DIPK1A: variants seen among roughly 807,000 people sequenced by gnomAD.
DIPK1A encodes the protein divergent protein kinase domain 1A.
DIPK1A carries 27 observed loss-of-function variants against 40.8 expected under a neutral mutation model. The observed-to-expected ratio is 0.66, with a 90% CI of 0.49 to 0.91. DIPK1A has a LOEUF of 0.91. Among genes scored for constraint, DIPK1A ranks in the 40% least tolerant of loss-of-function variants. The pLI, the probability that DIPK1A is intolerant of heterozygous loss-of-function variation, is 0.00. For missense variants in DIPK1A, 412 were observed against 505.7 expected, an observed-to-expected ratio of 0.81 and a Z score of 1.78; for synonymous variants, 166 against 171.3, an observed-to-expected ratio of 0.97 and a Z score of 0.24.
intron 1 of DIPK1A, among the ~76,000 whole-genome samples, chr1:92,946,203 G>T (rs191238330): frequency 1.1e-4 from 17 of 152,210 alleles, no homozygotes; most frequent in East Asian, 9.6e-4. Flanking sequence ...CAGACAATGG[G>T]TTTCAGGTTT....
At chr1:92,941,803 C>T (rs1571144430) in intron 1 of DIPK1A, among the ~76,000 whole-genome samples, 1 of 152,142 alleles carries the variant, frequency 6.6e-6, no homozygotes, top group South Asian at 2.1e-4. Flanking sequence ...TAACTATCCA[C>T]ACTCTATACT....
intron 1 of DIPK1A, among the ~76,000 whole-genome samples, chr1:92,936,498 G>A (rs1192118156): frequency 2.0e-5 from 3 of 151,896 alleles, no homozygotes; most frequent in African/African-American, 4.8e-5. Flanking sequence ...GCATGGTGGT[G>A]CATGCCTATA....
chr1:92,896,264 G>T (rs563274137), intron 1 of DIPK1A, among the ~76,000 whole-genome samples: 177 of 152,224 alleles, frequency 1.2e-3, no homozygotes, highest in Non-Finnish European at 2.3e-3. Flanking sequence ...ATACTACAAG[G>T]CTACAGTAAC....
At chr1:92,909,803 T>G (rs994219318) in intron 1 of DIPK1A, among the ~76,000 whole-genome samples, 8 of 152,222 alleles carry the variant, frequency 5.3e-5, no homozygotes, top group Non-Finnish European at 5.9e-5. Flanking sequence ...GTAACTTGAC[T>G]ACCAGGGTGT....
At chr1:92,960,936 G>A (rs1403879133) in intron 1 of DIPK1A, among the ~76,000 whole-genome samples, 1 of 152,240 alleles carries the variant, frequency 6.6e-6, no homozygotes, top group African/African-American at 2.4e-5. Context: ...TAAGACCCAA[G>A]ACACTGAGTC....
chr1:92,872,706 C>G (rs1183843526), intron 2 of DIPK1A, among the ~76,000 whole-genome samples: 1 of 152,154 alleles, frequency 6.6e-6, no homozygotes, highest in Non-Finnish European at 1.5e-5. Context: ...GAAGTTGAGA[C>G]TTGGTTGTAG....
In DIPK1A at chr1:92,835,978, CAA is replaced by C. The variant is rs575703950; in HGVS notation, c.475-2946_475-2945del. Among the ~76,000 whole-genome samples, 514 of 151,590 alleles carry C rather than the reference CAA, an allele frequency of 3.4e-3. 3 individuals carry two copies. The highest frequency in any genetic ancestry group is 0.012 in the African/African-American group (482 of 41,340). ...TAGCAAAGATGCAAAAGTCATAAAA[CAA>C]AATTGTTTCAAGTGAAATTGAATGT... On this transcript the variant is annotated intron_variant, in intron 4 of 4. Coordinates refer to the DIPK1A transcript ENST00000615519.
At chr1:92,935,977 G>A (rs1223238934) in intron 1 of DIPK1A, among the ~76,000 whole-genome samples, 1 of 152,082 alleles carries the variant, frequency 6.6e-6, no homozygotes, top group African/African-American at 2.4e-5. Context: ...AGCTACTCAG[G>A]TGTCTGAGGT....
intron 1 of DIPK1A, among the ~76,000 whole-genome samples, chr1:92,936,377 C>CA (rs563516307): frequency 1.2e-3 from 176 of 152,162 alleles, no homozygotes; most frequent in African/African-American, 3.4e-3. Context: ...CCTGTAATCC[C>CA]AACACTTTGG....
chr1:92,841,700 T>C (rs922814753), downstream of DIPK1A: 1 of 1,015,500 alleles, frequency 9.8e-7, no homozygotes, highest in Non-Finnish European at 1.4e-6. Context: ...TTTATTAAAA[T>C]TTTAAATTAA....
At chr1:92,833,934 T>C in intron 4 of DIPK1A, 1 of 419,256 alleles carries the variant, frequency 2.4e-6, no homozygotes, top group Non-Finnish European at 4.4e-6. Context: ...AGTGAGAGTT[T>C]GTCTTCACAA....
downstream of DIPK1A, chr1:92,837,527 T>C (rs773325598): frequency 1.6e-5 from 26 of 1,612,162 alleles, no homozygotes; most frequent in African/African-American, 2.7e-5. Flanking sequence ...AAGCACATCA[T>C]GGGCCAGAAT....
At chr1:92,869,164 T>TTAC (rs1456142672) in intron 2 of DIPK1A, among the ~76,000 whole-genome samples, 1 of 150,538 alleles carries the variant, frequency 6.6e-6, no homozygotes, top group Non-Finnish European at 1.5e-5. Context: ...ATTATTATTA[T>TTAC]TATTATTATT....
Position 92,843,140 on chromosome 1 carries a change from A to G in DIPK1A, c.*243T>C, listed in dbSNP as rs1294845741. On this transcript the variant is annotated 3_prime_UTR_variant, in exon 5 of 5. Coordinates refer to ENST00000370310, the MANE Select transcript of DIPK1A (RefSeq NM_001006605.5). ...ATTGGTTTTTAAAGTCAGTCAAAAT[A>G]GTTACACAATGAATGTACTTCGGAG... 2 of 1,204,102 alleles carry G rather than the reference A, an allele frequency of 1.7e-6. No individual in the cohort carries two copies. The highest frequency in any genetic ancestry group is 2.1e-6 in the Non-Finnish European group (2 of 965,046). The allele number at this position is 1,204,102 out of a possible 1,614,324, so 74.6% of individuals were successfully genotyped here.
intron 2 of DIPK1A, among the ~76,000 whole-genome samples, chr1:92,852,301 C>T (rs997727008): frequency 2.0e-5 from 3 of 152,104 alleles, no homozygotes; most frequent in East Asian, 3.9e-4. Context: ...GAGTTCGAGA[C>T]GAGCCTGACA....
intron 1 of DIPK1A, among the ~76,000 whole-genome samples, chr1:92,941,803 C>A (rs1571144430): frequency 6.6e-6 from 1 of 152,142 alleles, no homozygotes; most frequent in Non-Finnish European, 1.5e-5. Context: ...TAACTATCCA[C>A]ACTCTATACT....
intron 1 of DIPK1A, among the ~76,000 whole-genome samples, chr1:92,898,157 T>G (rs1649262318): frequency 6.6e-6 from 1 of 151,406 alleles, no homozygotes; most frequent in Non-Finnish European, 1.5e-5. Flanking sequence ...CTCATGGTTC[T>G]GCAGGCTGTA....
At chr1:92,897,060 C>G (rs1649204738) in intron 1 of DIPK1A, among the ~76,000 whole-genome samples, 1 of 151,808 alleles carries the variant, frequency 6.6e-6, no homozygotes, top group African/African-American at 2.4e-5. Flanking sequence ...GTTGGTGGGA[C>G]TGTAAACTAG....
At chr1:92,935,131 A>G (rs1571139211) in intron 1 of DIPK1A, among the ~76,000 whole-genome samples, 1 of 152,232 alleles carries the variant, frequency 6.6e-6, no homozygotes, top group African/African-American at 2.4e-5. Context: ...TCAGAATCAT[A>G]CAGCTAGTTG....
Sources: gnomAD v4.1 joint callset for allele counts (sites outside exome capture counted in the v4.1 genomes callset) on GRCh38, gnomAD v4.1.1 for gene constraint, MANE v1.5 for transcripts, NCBI Gene and HGNC (gene_info 2026-07-23, HGNC 2026-07-21) for gene names.